Variants in MAL2 observed in about 807,000 individuals in gnomAD.
MAL2 encodes the protein protein MAL2.
In MAL2, 17 loss-of-function variants were observed where a neutral mutation model predicts 18.1. That is an observed-to-expected ratio of 0.94 (90% CI 0.64 to 1.41). The LOEUF (loss-of-function observed/expected upper bound fraction) is 1.41. Among genes scored for constraint, MAL2 ranks in the 40% most tolerant of loss-of-function variants. MAL2 has a pLI of 0.00. For missense variants in MAL2, 222 were observed against 231.9 expected (o/e 0.96, Z 0.28); for synonymous variants, 102 against 102.3 (o/e 1.00, Z 0.02).
Position 119,208,498 on chromosome 8 carries a change from C to T in MAL2, c.26C>T (p.Pro9Leu). The T allele has an allele frequency of 1.5e-6, 2 of 1,307,548 alleles. No homozygotes were observed. Among genetic ancestry groups the T allele is most frequent in the Non-Finnish European group, 1.9e-6 (2 of 1,026,728 alleles). The allele number at this position is 1,307,548 out of a possible 1,614,324, so 81.0% of individuals were successfully genotyped here. A position where few individuals can be genotyped will look rare whatever the true frequency, so the allele number is the denominator to read the frequency against. The part of the protein sequence containing the change: MSAGGASV[P>L]PPPNPAVSFP... ...ATGTCGGCCGGCGGAGCGTCAGTCCCGCCGCCCCCGAACCCCGCCGTGTCC... is the reference window on the plus strand; with the variant it reads ...ATGTCGGCCGGCGGAGCGTCAGTCCTGCCGCCCCCGAACCCCGCCGTGTCC... The change falls in exon 1 of 4, where the codon CCG (proline) becomes CTG (leucine). Residue 9 changes from proline (P) to leucine (L), a missense_variant. Coordinates refer to ENST00000614891, the MANE Select transcript of MAL2 (RefSeq NM_052886.3). The surrounding 1 kb of genome is among the most constrained non-coding windows in gnomAD (Gnocchi z 4.3).
chr8:119,239,664 G>GA, intron 2 of MAL2, among the ~76,000 whole-genome samples: 1 of 150,020 alleles, frequency 6.7e-6, no homozygotes, highest in Non-Finnish European at 1.5e-5. Flanking sequence ...GTAAACTATC[G>GA]CAAGAACAAA....
intron 2 of MAL2, among the ~76,000 whole-genome samples, chr8:119,234,358 GCAAGGCGGCAA>G (rs1363452495): frequency 6.6e-6 from 1 of 152,182 alleles, no homozygotes. Flanking sequence ...AGATCAAACT[GCAAGGCGGCAA>G]CAAGGCTGGG....
Position 119,208,400 on chromosome 8 carries a change from G to T in MAL2, c.-73G>T, listed in dbSNP as rs1037630929. 2 of 882,548 alleles carry T rather than the reference G, an allele frequency of 2.3e-6. No homozygotes were observed. The highest frequency in any genetic ancestry group is 1.0e-4 in the South Asian group (2 of 19,696). 54.7% of individuals were successfully genotyped at this position (882,548 alleles called of 1,614,324 possible). ...CGCGGAGCTGAGCGGCGGCGGCGGC[G>T]GCGGCAGGAGCCCGGGAGGCGGAGG... is the stretch of plus-strand genomic sequence containing the variant. On this transcript the variant is annotated 5_prime_UTR_variant, in exon 1 of 4. Transcript: ENST00000614891. This position sits in a 1 kb window ranked among gnomAD's most constrained non-coding sequence, Gnocchi z 4.3.
chr8:119,241,971 T>A (rs1395204320), intron 3 of MAL2, among the ~76,000 whole-genome samples: 1 of 152,142 alleles, frequency 6.6e-6, no homozygotes, highest in Non-Finnish European at 1.5e-5. Context: ...AGAATCCTTG[T>A]GATCCACATT....
At chr8:119,237,103 G>A (rs1463517761) in intron 2 of MAL2, among the ~76,000 whole-genome samples, 1 of 152,052 alleles carries the variant, frequency 6.6e-6, no homozygotes, top group Non-Finnish European at 1.5e-5. Flanking sequence ...ATGACAAAGG[G>A]GATATCAGCA....
At chr8:119,221,242 C>A (rs921828282) in intron 1 of MAL2, 6 of 183,618 alleles carry the variant, frequency 3.3e-5, no homozygotes, top group Non-Finnish European at 6.8e-5. Context: ...TGAAAAAATA[C>A]CTTCATTGAA....
chr8:119,232,777 G>C (rs1049806660), intron 2 of MAL2, among the ~76,000 whole-genome samples: 1 of 152,054 alleles, frequency 6.6e-6, no homozygotes, highest in Non-Finnish European at 1.5e-5. Context: ...TTTAAAGACA[G>C]CATATGTTAT....
chr8:119,241,874 T>C (rs1818054771), intron 3 of MAL2, among the ~76,000 whole-genome samples: 1 of 152,302 alleles, frequency 6.6e-6, no homozygotes, highest in African/African-American at 2.4e-5. Flanking sequence ...AGTGCTCTAG[T>C]TGAAGTGGAG....
chr8:119,235,615 CAAGCCAG>C (rs1817870465), intron 2 of MAL2, among the ~76,000 whole-genome samples: 1 of 151,932 alleles, frequency 6.6e-6, no homozygotes, highest in South Asian at 2.1e-4. Context: ...AGAAACCCTA[CAAGCCAG>C]AAGAGAGTGG....
In MAL2 at chr8:119,245,430, CT is replaced by C. The variant is rs1238823798; in HGVS notation, c.*1943del. On this transcript the variant is annotated 3_prime_UTR_variant, in exon 4 of 4. Transcript: ENST00000614891. ...TGGCACTTTTGTAAACAGATTGCTT[CT>C]AGATTGTTACAAACCAAGCCTAAGA... 5 of 152,568 alleles carry C rather than the reference CT, an allele frequency of 3.3e-5. No homozygotes were observed. Among genetic ancestry groups the C allele is most frequent in the Non-Finnish European group, 5.9e-5 (4 of 68,030 alleles). 9.5% of individuals were successfully genotyped at this position (152,568 alleles called of 1,614,324 possible). A position where few individuals can be genotyped will look rare whatever the true frequency, so the allele number is the denominator to read the frequency against.
At chr8:119,238,382 C>T (rs1817960829) in intron 2 of MAL2, among the ~76,000 whole-genome samples, 1 of 152,150 alleles carries the variant, frequency 6.6e-6, no homozygotes, top group Admixed American at 6.5e-5. Flanking sequence ...ATGCCATCCC[C>T]ATCAAGCTAC....
At chr8:119,236,413 G>A (rs971800408) in intron 2 of MAL2, among the ~76,000 whole-genome samples, 3 of 151,584 alleles carry the variant, frequency 2.0e-5, no homozygotes, top group Non-Finnish European at 4.4e-5. Flanking sequence ...AGGATACCCA[G>A]GAATTGAACT....
intron 1 of MAL2, among the ~76,000 whole-genome samples, chr8:119,212,419 T>C (rs1327733802): frequency 6.6e-6 from 1 of 152,206 alleles, no homozygotes; most frequent in Non-Finnish European, 1.5e-5. Context: ...TTGGATGCCA[T>C]AGTAATTTTC....
intron 2 of MAL2, among the ~76,000 whole-genome samples, chr8:119,234,215 CG>C (rs1199010573): frequency 6.6e-6 from 1 of 152,160 alleles, no homozygotes; most frequent in Admixed American, 6.5e-5. Context: ...CCGGGAAAAT[CG>C]GGTCACTCCC....
At position 119,208,765 on chromosome 8, in the gene MAL2, C is replaced by T. The variant is rs1817225944; in HGVS notation, c.132+161C>T. ...CCGGGGTCCTCTCGGTGCCCCGCGC[C>T]GCCGCCCGGGCCCTCCCTCCTAGCA... On this transcript the variant is annotated intron_variant, in intron 1 of 3. Transcript: ENST00000614891. The surrounding 1 kb of genome is among the most constrained non-coding windows in gnomAD (Gnocchi z 4.3). 1.8e-6 allele frequency: 2 copies of T among 1,122,658 alleles called. No individual in the cohort carries two copies. The highest frequency in any genetic ancestry group is 3.2e-5 in the African/African-American group (2 of 61,890). 69.5% of individuals were successfully genotyped at this position (1,122,658 alleles called of 1,614,324 possible).
chr8:119,238,344 A>G lies in MAL2; in HGVS notation c.304-1821A>G, dbSNP rs1431069313. On this transcript the variant is annotated intron_variant, in intron 2 of 3. Coordinates refer to ENST00000614891, the MANE Select transcript of MAL2 (RefSeq NM_052886.3). ...AAGAACCAATATCATGAAAATGGCC[A>G]TACTGCCCAAGGTAATTTATAGATT... 9.2e-5 allele frequency among the ~76,000 whole-genome samples: 14 copies of G among 152,322 alleles called. No homozygotes were observed. In the East Asian group the frequency reaches 2.7e-3, roughly 29 times the overall value.
At chr8:119,240,995 A>G (rs1028122158) in intron 3 of MAL2, among the ~76,000 whole-genome samples, 7 of 152,200 alleles carry the variant, frequency 4.6e-5, no homozygotes, top group African/African-American at 1.7e-4. Context: ...TTAAGATGTC[A>G]GAAGTCCAAA....
intron 2 of MAL2, among the ~76,000 whole-genome samples, chr8:119,233,275 GAGCA>G (rs1266335953): frequency 6.6e-6 from 1 of 152,088 alleles, no homozygotes; most frequent in Non-Finnish European, 1.5e-5. Context: ...AGAAAAGCAA[GAGCA>G]AACAAACACA....
chr8:119,211,093 T>G (rs914168658), intron 1 of MAL2, among the ~76,000 whole-genome samples: 6 of 152,200 alleles, frequency 3.9e-5, no homozygotes, highest in Non-Finnish European at 8.8e-5. Context: ...TGAGTGGATG[T>G]ACAGATAGAA....
Sources: allele counts gnomAD v4.1 joint callset (sites outside exome capture counted in the v4.1 genomes callset), GRCh38; gene constraint gnomAD v4.1.1; non-coding constraint Gnocchi (gnomAD v3.1); transcripts MANE v1.5; gene names NCBI Gene and HGNC (gene_info 2026-07-23, HGNC 2026-07-21).